The following THSD4 variants were observed in gnomAD, a reference collection of about 807,000 sequenced individuals.
THSD4 encodes thrombospondin type-1 domain-containing protein 4.
In THSD4, 69 loss-of-function variants were observed where a neutral mutation model predicts 119.0. The ratio of observed to expected loss-of-function variants is 0.58; its 90% confidence interval spans 0.48 to 0.71. THSD4 has a LOEUF of 0.71. Ranked by LOEUF, THSD4 falls within the 30% of genes least tolerant of loss-of-function variation. The pLI, the probability that THSD4 is intolerant of heterozygous loss-of-function variation, is 0.00. For missense variants in THSD4, 1,393 were observed against 1,391.1 expected (o/e 1.00, Z -0.02); for synonymous variants, 524 against 540.4 (o/e 0.97, Z 0.42).
chr15:71,474,722 C>T (rs1174333239), intron 7 of THSD4, among the ~76,000 whole-genome samples: 1 of 152,206 alleles, frequency 6.6e-6, no homozygotes. Context: ...TTCAGCCCCA[C>T]ATGAGACAGG....
At chr15:71,571,287 C>T (rs1595893983) in intron 7 of THSD4, among the ~76,000 whole-genome samples, 1 of 151,904 alleles carries the variant, frequency 6.6e-6, no homozygotes, top group Non-Finnish European at 1.5e-5. Context: ...ACAAGTTAGC[C>T]GGGTCTCAGT....
At chr15:71,123,445 A>C (rs2040424691) in intron 1 of THSD4, among the ~76,000 whole-genome samples, 1 of 152,220 alleles carries the variant, frequency 6.6e-6, no homozygotes, top group Non-Finnish European at 1.5e-5. Context: ...ATTAGAGGAG[A>C]GAGCATAGGT....
In THSD4 at chr15:71,781,105, G is replaced by A. The variant is rs950117440; in HGVS notation, c.*3731G>A. ...GGGTGGAGACTAGTATTTGATCCTT[G>A]CCATATAAAACATTTTAATATGGTT... On this transcript the variant is annotated 3_prime_UTR_variant, in exon 18 of 18. Transcript: ENST00000261862. 2 of 227,494 alleles carry A rather than the reference G, an allele frequency of 8.8e-6. No individual in the cohort carries two copies. Among genetic ancestry groups the A allele is most frequent in the African/African-American group, 4.5e-5 (2 of 44,708 alleles). 14.1% of individuals were successfully genotyped at this position (227,494 alleles called of 1,614,324 possible).
At chr15:71,346,868 C>CTTTTTTTTTTTTTTT (rs71154763) in intron 6 of THSD4, among the ~76,000 whole-genome samples, 12 of 86,012 alleles carry the variant, frequency 1.4e-4, no homozygotes, top group East Asian at 3.7e-4. Context: ...TTTTCATTTT[C>CTTTTTTTTTTTTTTT]TTTTTTTTTT....
chr15:71,740,105 C>A lies in THSD4; in HGVS notation c.1906+2098C>A, dbSNP rs534062329. ...GTTGATTTATAGAGGTTTTATTGTG[C>A]AAATTTTATTATGCTTATACTTAAT... On this transcript the variant is annotated intron_variant, in intron 11 of 17. Transcript: ENST00000261862. Among the ~76,000 whole-genome samples, 4 of 152,164 alleles carry A rather than the reference C, an allele frequency of 2.6e-5. No homozygotes were observed. In the South Asian group the frequency reaches 8.3e-4, roughly 32 times the overall value.
chr15:71,516,296 T>A lies in THSD4; in HGVS notation c.1152+104473T>A, dbSNP rs147836355. Among the ~76,000 whole-genome samples the A allele has an allele frequency of 3.9e-5, 6 of 152,302 alleles. No homozygotes were observed. In the East Asian group the frequency reaches 1.2e-3, roughly 29 times the overall value. On this transcript the variant is annotated intron_variant, in intron 7 of 17. Coordinates refer to ENST00000261862, the MANE Select transcript of THSD4 (RefSeq NM_024817.3). ...CACAATGTCCCCAGGATATCATCAT[T>A]GCCATTTTGTCCCAATTTACCACCG...
chr15:71,306,872 TCTC>T (rs1221040433), intron 6 of THSD4, among the ~76,000 whole-genome samples: 1 of 152,200 alleles, frequency 6.6e-6, no homozygotes, highest in East Asian at 1.9e-4. Context: ...TTGTTGCACT[TCTC>T]CTTCACAGAG....
chr15:71,672,660 C>T (rs958379067), intron 8 of THSD4, among the ~76,000 whole-genome samples: 6 of 152,164 alleles, frequency 3.9e-5, no homozygotes, highest in African/African-American at 1.4e-4. Flanking sequence ...GAGATACATT[C>T]CATCAGTACC....
chr15:71,500,624 T>G (rs926513540), intron 7 of THSD4, among the ~76,000 whole-genome samples: 2 of 152,234 alleles, frequency 1.3e-5, no homozygotes, highest in Non-Finnish European at 2.9e-5. Flanking sequence ...TATGTTTAGG[T>G]CTTTAATCCG....
chr15:71,290,639 T>A (rs946607001), intron 6 of THSD4, among the ~76,000 whole-genome samples: 9 of 152,240 alleles, frequency 5.9e-5, no homozygotes, highest in African/African-American at 2.2e-4. Flanking sequence ...CATTCACTTG[T>A]GCTTAATTTA....
At chr15:71,425,833 G>A (rs1270048020) in intron 7 of THSD4, among the ~76,000 whole-genome samples, 2 of 152,182 alleles carry the variant, frequency 1.3e-5, no homozygotes, top group Non-Finnish European at 2.9e-5. Context: ...ATAGGCAGTT[G>A]AGTGCAGATG....
intron 7 of THSD4, among the ~76,000 whole-genome samples, chr15:71,616,789 T>G (rs1182639724): frequency 6.6e-6 from 1 of 152,234 alleles, no homozygotes; most frequent in Non-Finnish European, 1.5e-5. Context: ...TGGATTGGAC[T>G]GGGTGGTCTT....
At chr15:71,341,324 T>C (rs375269074) in intron 6 of THSD4, 30 of 1,604,684 alleles carry the variant, frequency 1.9e-5, no homozygotes, top group Non-Finnish European at 2.5e-5. Flanking sequence ...ATGAGCTCTG[T>C]AGGTCCGGCG....
At chr15:71,359,587 T>G (rs1311400275) in intron 6 of THSD4, among the ~76,000 whole-genome samples, 1 of 152,176 alleles carries the variant, frequency 6.6e-6, no homozygotes, top group Non-Finnish European at 1.5e-5. Context: ...GTGGGTAGAT[T>G]GCTTGAGTTC....
chr15:71,608,151 A>C (rs2140905200), intron 7 of THSD4, among the ~76,000 whole-genome samples: 1 of 147,320 alleles, frequency 6.8e-6, no homozygotes, highest in Admixed American at 7.0e-5. Context: ...TGAACCCGGG[A>C]GGCGGTGGTT....
intron 8 of THSD4, 66 bp downstream of exon 8, chr15:71,660,800 G>A: frequency 6.3e-7 from 1 of 1,577,144 alleles, no homozygotes; most frequent in East Asian, 2.3e-5. Flanking sequence ...CTTCAGAACT[G>A]TGAGATAGAC....
chr15:71,521,198 C>CT (rs148415238), intron 7 of THSD4, among the ~76,000 whole-genome samples: 2,397 of 152,300 alleles, frequency 0.016, 64 homozygotes, highest in African/African-American at 0.054. Flanking sequence ...TACTTTCTCT[C>CT]TCTTTTAATT....
chr15:71,306,338 A>AAAAAAG (rs1567189160), intron 6 of THSD4, among the ~76,000 whole-genome samples: 73 of 127,992 alleles, frequency 5.7e-4, no homozygotes, highest in African/African-American at 2.0e-3. Context: ...AAAAAAAAAA[A>AAAAAAG]GGGAATGGTA....
intron 8 of THSD4, among the ~76,000 whole-genome samples, chr15:71,714,884 A>G (rs951248979): frequency 6.6e-6 from 1 of 152,194 alleles, no homozygotes; most frequent in African/African-American, 2.4e-5. Context: ...CCTAAAATAA[A>G]TAGATGAAAA....
Sources: gnomAD v4.1 joint callset for allele counts (sites outside exome capture counted in the v4.1 genomes callset) on GRCh38, gnomAD v4.1.1 for gene constraint, MANE v1.5 for transcripts, NCBI Gene and HGNC (gene_info 2026-07-23, HGNC 2026-07-21) for gene names.